Variants in MAP4K4 observed in about 807,000 individuals in gnomAD.
MAP4K4 encodes the protein mitogen-activated protein kinase kinase kinase kinase 4.
In MAP4K4, 38 loss-of-function variants were observed where a neutral mutation model predicts 189.6. The ratio of observed to expected loss-of-function variants is 0.20; its 90% CI spans 0.15 to 0.26. The LOEUF (loss-of-function observed/expected upper bound fraction) is 0.26. Ranked by LOEUF, MAP4K4 falls within the 10% of genes least tolerant of loss-of-function variation. MAP4K4 has a pLI of 1.00. For missense variants in MAP4K4, 1,054 were observed against 1,726.9 expected (o/e 0.61, Z 6.91); for synonymous variants, 610 against 624.3 (o/e 0.98, Z 0.34).
chr2:101,766,520 A>C (rs1312709958), intron 2 of MAP4K4, among the ~76,000 whole-genome samples: 7 of 151,966 alleles, frequency 4.6e-5, no homozygotes, highest in African/African-American at 7.3e-5. Flanking sequence ...AATACAGTTC[A>C]TGTGATTTGT....
chr2:101,705,680 T>C (rs2041961206), intron 2 of MAP4K4, among the ~76,000 whole-genome samples: 1 of 152,216 alleles, frequency 6.6e-6, no homozygotes, highest in Admixed American at 6.5e-5. Flanking sequence ...TATAAAAGTT[T>C]TTATATACTT....
chr2:101,858,820 C>G (rs888742708), intron 13 of MAP4K4, among the ~76,000 whole-genome samples, 176 bp from the exon 14 acceptor site: 2 of 152,310 alleles, frequency 1.3e-5, no homozygotes, highest in Non-Finnish European at 1.5e-5. Flanking sequence ...TTAGGTCTTA[C>G]TGGCCAATTT....
Position 101,716,184 on chromosome 2 carries a change from C to T in MAP4K4, c.123+17646C>T, listed in dbSNP as rs142359502. Among the ~76,000 whole-genome samples, 494 of 152,376 alleles carry T rather than the reference C, an allele frequency of 3.2e-3. 2 individuals are homozygous for T. The highest frequency in any genetic ancestry group is 0.011 in the African/African-American group (451 of 41,592). On this transcript the variant is annotated intron_variant, in intron 2 of 32. Transcript: ENST00000324219. ...TACTACAGATGGCCGTGGCTCACGCCTGTAATCCCAACACTTTGGGAGGCC... is the reference window on the plus strand; with the variant it reads ...TACTACAGATGGCCGTGGCTCACGCTTGTAATCCCAACACTTTGGGAGGCC...
intron 17 of MAP4K4, 93 bp from the exon 18 acceptor site, chr2:101,864,837 T>C (rs955439071): frequency 7.4e-6 from 6 of 816,266 alleles, no homozygotes; most frequent in Non-Finnish European, 1.2e-5. Context: ...CTTTTAAATA[T>C]TAGGACTGCT....
intron 2 of MAP4K4, among the ~76,000 whole-genome samples, chr2:101,704,567 ATTTTT>A (rs57278834): frequency 3.4e-4 from 8 of 23,394 alleles, no homozygotes; most frequent in South Asian, 4.5e-3. Context: ...ATATATATAT[ATTTTT>A]TTTTTTTTTT....
At chr2:101,776,886 G>A (rs2084474004) in intron 2 of MAP4K4, among the ~76,000 whole-genome samples, 1 of 152,020 alleles carries the variant, frequency 6.6e-6, no homozygotes, top group African/African-American at 2.4e-5. Context: ...ATAATAATAA[G>A]CAATGTTACG....
chr2:101,800,070 C>G lies in MAP4K4; in HGVS notation c.180+9294C>G, dbSNP rs1575758257. Among the ~76,000 whole-genome samples the G allele has an allele frequency of 2.6e-5, 4 of 151,760 alleles. No homozygotes were observed. The South Asian group carries it at 8.3e-4, about 32-fold the overall frequency. ...GGGTGGTGCTTAGCATATATTTGCT[C>G]TTTCTAAAGAATGCCCCAAGACAAA... On this transcript the variant is annotated intron_variant, in intron 3 of 32. Coordinates refer to ENST00000324219, the Ensembl canonical transcript of MAP4K4.
At chr2:101,709,076 T>A (rs1313422952) in intron 2 of MAP4K4, among the ~76,000 whole-genome samples, 1 of 152,174 alleles carries the variant, frequency 6.6e-6, no homozygotes, top group Non-Finnish European at 1.5e-5. Flanking sequence ...CTTGTTTCCC[T>A]TTAGTGTAAC....
At chr2:101,856,170 C>G (rs1180035886) in intron 13 of MAP4K4, 32 bp downstream of exon 13, 5 of 1,539,346 alleles carry the variant, frequency 3.2e-6, no homozygotes, top group Non-Finnish European at 2.6e-6. Flanking sequence ...CAGGCATACA[C>G]TTGTGAAGTT....
chr2:101,875,727 T>A (rs1035432850), intron 26 of MAP4K4, among the ~76,000 whole-genome samples: 2 of 152,200 alleles, frequency 1.3e-5, no homozygotes, highest in Middle Eastern at 3.2e-3. Context: ...CTGTGCTACA[T>A]GTTACAAAGG....
chr2:101,884,147 A>G (rs2098448310), intron 28 of MAP4K4, among the ~76,000 whole-genome samples: 1 of 152,278 alleles, frequency 6.6e-6, no homozygotes, highest in South Asian at 2.1e-4. Context: ...TTTTCAGGAG[A>G]TAAGTGTGGG....
intron 3 of MAP4K4, among the ~76,000 whole-genome samples, chr2:101,801,318 C>A (rs939208914): frequency 1.3e-5 from 2 of 152,120 alleles, no homozygotes; most frequent in Admixed American, 6.5e-5. Context: ...GGATCCAGAG[C>A]AAATTCAGCA....
intron 2 of MAP4K4, among the ~76,000 whole-genome samples, chr2:101,751,819 G>A (rs1041123309): frequency 1.1e-4 from 16 of 152,140 alleles, no homozygotes; most frequent in African/African-American, 3.1e-4. Context: ...ATGAATCTTC[G>A]CTGTGGTCTG....
At chr2:101,859,435 C>A (rs2149824867) in intron 14 of MAP4K4, among the ~76,000 whole-genome samples, 1 of 152,314 alleles carries the variant, frequency 6.6e-6, no homozygotes, top group East Asian at 1.9e-4. Context: ...TGAATTATCT[C>A]TTACTCTGTC....
exon 15 of MAP4K4, chr2:101,859,773 A>C: frequency 6.2e-7 from 1 of 1,610,468 alleles, no homozygotes; most frequent in Non-Finnish European, 8.5e-7. Flanking sequence ...CACTCGCAGC[A>C]GCCGCCACCA....
intron 2 of MAP4K4, among the ~76,000 whole-genome samples, chr2:101,719,099 A>C: frequency 6.6e-6 from 1 of 152,070 alleles, no homozygotes; most frequent in East Asian, 1.9e-4. Flanking sequence ...GGTGTTAGAG[A>C]ATGTGTAGCT....
Position 101,871,699 on chromosome 2 carries a change from C to T in MAP4K4, c.2952+14C>T. ...ACTGCTAATGAGGTATGTCTCGCAC[C>T]ACAGCTGGCTGCTTTCCTGGGGTTA... On this transcript the variant is annotated intron_variant, in intron 24 of 32. Coordinates refer to ENST00000324219, the Ensembl canonical transcript of MAP4K4. The T allele has an allele frequency of 6.5e-7, 1 of 1,533,706 alleles. No homozygotes were observed. Among genetic ancestry groups the T allele is most frequent in the Non-Finnish European group, 8.7e-7 (1 of 1,144,952 alleles).
intron 2 of MAP4K4, among the ~76,000 whole-genome samples, chr2:101,775,036 T>TC (rs1003591531): frequency 2.4e-5 from 3 of 122,978 alleles, no homozygotes; most frequent in African/African-American, 1.0e-4. Context: ...TATCCCCTCT[T>TC]TTTTTTTTTT....
At chr2:101,707,313 A>G (rs1284624706) in intron 2 of MAP4K4, among the ~76,000 whole-genome samples, 1 of 151,458 alleles carries the variant, frequency 6.6e-6, no homozygotes, top group Non-Finnish European at 1.5e-5. Context: ...GGTACAAGCA[A>G]TTCTCTTGCC....
Sources: gnomAD v4.1 joint callset for allele counts (sites outside exome capture counted in the v4.1 genomes callset) on GRCh38, gnomAD v4.1.1 for gene constraint, MANE v1.5 for transcripts, NCBI Gene and HGNC (gene_info 2026-07-23, HGNC 2026-07-21) for gene names.